The following SLC35F1 variants were observed in gnomAD, a reference collection of about 807,000 sequenced individuals.
The protein encoded by SLC35F1 is solute carrier family 35 member F1.
Under a neutral mutation model 48.7 loss-of-function variants are expected in SLC35F1, and 14 were observed. That is an observed-to-expected ratio of 0.29 (90% CI 0.19 to 0.45). SLC35F1 has a LOEUF of 0.45. Among genes scored for constraint, SLC35F1 ranks in the 20% least tolerant of loss-of-function variants. SLC35F1 has a pLI of 1.00. For synonymous variants in SLC35F1, 190 were observed against 202.2 expected, an observed-to-expected ratio of 0.94 and a Z score of 0.51; for missense variants, 404 against 500.0, an observed-to-expected ratio of 0.81 and a Z score of 1.83.
intron 4 of SLC35F1, among the ~76,000 whole-genome samples, chr6:118,272,737 G>GTGTGTGTATA (rs201515909): frequency 2.5e-5 from 3 of 120,242 alleles, no homozygotes; most frequent in African/African-American, 9.7e-5. Context: ...ATATGTGTGT[G>GTGTGTGTATA]TATATATATA....
chr6:117,944,359 G>A (rs918122770), intron 1 of SLC35F1, among the ~76,000 whole-genome samples: 7 of 152,090 alleles, frequency 4.6e-5, no homozygotes. Context: ...TCAACCTTGT[G>A]AGGTCAAAAT....
At chr6:118,092,215 C>A (rs550582045) in intron 1 of SLC35F1, among the ~76,000 whole-genome samples, 7 of 152,176 alleles carry the variant, frequency 4.6e-5, no homozygotes, top group Non-Finnish European at 1.0e-4. Context: ...CATCACAGGT[C>A]TGAAAGCCTG....
Position 117,914,124 on chromosome 6 carries a change from ATCTATCTATCTATCTG to A in SLC35F1, c.173+6232_173+6247del, listed in dbSNP as rs1383083287. ...TATCTATCTATCTATCTATCTATCTATCTATCTATCTATCTGTCTATCCACATATATACACACACGT... is the reference window on the plus strand; with the variant it reads ...TATCTATCTATCTATCTATCTATCTATCTATCCACATATATACACACACGT... On this transcript the variant is annotated intron_variant, in intron 1 of 7. Transcript: ENST00000360388. Among the ~76,000 whole-genome samples, 282 of 151,618 alleles carry A rather than the reference ATCTATCTATCTATCTG, an allele frequency of 1.9e-3. 2 individuals are homozygous for A. Among genetic ancestry groups the A allele is most frequent in the African/African-American group, 6.6e-3 (272 of 41,266 alleles).
At chr6:118,257,434 G>A (rs891690069) in intron 3 of SLC35F1, among the ~76,000 whole-genome samples, 4 of 152,166 alleles carry the variant, frequency 2.6e-5, no homozygotes, top group Admixed American at 6.6e-5. Context: ...GAAAGTTGAG[G>A]CTAAGTTAAA....
At chr6:118,113,240 C>T (rs1032183528) in intron 1 of SLC35F1, among the ~76,000 whole-genome samples, 8 of 152,104 alleles carry the variant, frequency 5.3e-5, no homozygotes, top group Non-Finnish European at 1.0e-4. Flanking sequence ...GTGTGTGCCA[C>T]CACACTGGGC....
At chr6:118,082,188 C>T (rs572153063) in intron 1 of SLC35F1, among the ~76,000 whole-genome samples, 1 of 152,252 alleles carries the variant, frequency 6.6e-6, no homozygotes, top group East Asian at 1.9e-4. Context: ...TAGGCAATTA[C>T]GATTCTTTAA....
chr6:118,177,883 A>AT (rs909718927), intron 2 of SLC35F1, among the ~76,000 whole-genome samples: 2 of 151,988 alleles, frequency 1.3e-5, no homozygotes, highest in African/African-American at 4.8e-5. Context: ...GAACACGCTG[A>AT]TTTTTGGCAG....
At position 118,075,710 on chromosome 6, in the gene SLC35F1, C is replaced by T. The variant is rs113586607; in HGVS notation, c.174-78735C>T. The stretch of plus-strand genomic sequence containing the variant: ...TTGCTCTTTGGAGTTGATTGTGGTG[C>T]TTAATGGATATAGATTTTAAAGTAT... On this transcript the variant is annotated intron_variant, in intron 1 of 7. Coordinates refer to ENST00000360388, the MANE Select transcript of SLC35F1 (RefSeq NM_001029858.4). Among the ~76,000 whole-genome samples, 176 of 152,116 alleles carry T rather than the reference C, an allele frequency of 1.2e-3. 2 individuals carry two copies. Among genetic ancestry groups the T allele is most frequent in the Non-Finnish European group, 1.6e-3 (106 of 68,030 alleles).
At chr6:118,289,871 A>G (rs946192052) in intron 7 of SLC35F1, among the ~76,000 whole-genome samples, 1 of 152,234 alleles carries the variant, frequency 6.6e-6, no homozygotes, top group African/African-American at 2.4e-5. Flanking sequence ...ACTAATCTGT[A>G]CTATTATTTT....
chr6:117,979,619 G>C (rs1776749232), intron 1 of SLC35F1, among the ~76,000 whole-genome samples: 1 of 152,102 alleles, frequency 6.6e-6, no homozygotes, highest in Admixed American at 6.6e-5. Flanking sequence ...ATCAAAAAGA[G>C]AAAATCTTGC....
chr6:118,244,302 G>A (rs1198820498), intron 3 of SLC35F1, among the ~76,000 whole-genome samples: 1 of 152,266 alleles, frequency 6.6e-6, no homozygotes, highest in Non-Finnish European at 1.5e-5. Context: ...AAGAATTCAA[G>A]GGCAAGCCAG....
chr6:117,923,912 A>G (rs2114805595), intron 1 of SLC35F1, among the ~76,000 whole-genome samples: 1 of 150,258 alleles, frequency 6.7e-6, no homozygotes, highest in South Asian at 2.1e-4. Context: ...ATGTGTGTGT[A>G]CATATATACA....
chr6:118,242,392 A>G (rs529573402), intron 3 of SLC35F1, among the ~76,000 whole-genome samples: 1 of 152,238 alleles, frequency 6.6e-6, no homozygotes, highest in African/African-American at 2.4e-5. Flanking sequence ...AAAAGTTAAC[A>G]CTGGCAAAAA....
chr6:118,253,349 A>C (rs1465284839), intron 3 of SLC35F1, among the ~76,000 whole-genome samples: 2 of 152,122 alleles, frequency 1.3e-5, no homozygotes, highest in Admixed American at 1.3e-4. Flanking sequence ...GAGGACTAAA[A>C]TGTGTCTGCT....
chr6:118,210,719 T>C (rs1006703153), intron 2 of SLC35F1, among the ~76,000 whole-genome samples: 2 of 152,218 alleles, frequency 1.3e-5, no homozygotes. Flanking sequence ...AAGGGGAACC[T>C]GTTGTGTCTC....
At chr6:118,310,660 CTT>C (rs1776362527) in intron 7 of SLC35F1, among the ~76,000 whole-genome samples, 1 of 152,114 alleles carries the variant, frequency 6.6e-6, no homozygotes, top group Non-Finnish European at 1.5e-5. Context: ...AATAAAGCCT[CTT>C]GGGTGACTTC....
intron 1 of SLC35F1, among the ~76,000 whole-genome samples, chr6:118,055,701 A>G (rs932731025): frequency 6.6e-6 from 1 of 152,192 alleles, no homozygotes; most frequent in Non-Finnish European, 1.5e-5. Context: ...AAAAGGAGAA[A>G]GGCAAAGCTG....
chr6:118,240,078 A>G (rs898104577), intron 3 of SLC35F1, among the ~76,000 whole-genome samples: 1 of 152,260 alleles, frequency 6.6e-6, no homozygotes, highest in Non-Finnish European at 1.5e-5. Context: ...ATTAATCCAT[A>G]AAGAAGACAC....
intron 2 of SLC35F1, among the ~76,000 whole-genome samples, chr6:118,220,037 A>C (rs1775126431): frequency 6.6e-6 from 1 of 152,032 alleles, no homozygotes; most frequent in Non-Finnish European, 1.5e-5. Flanking sequence ...GGGAGTGGGG[A>C]GGGATAGCAA....
Sources: allele counts gnomAD v4.1 joint callset (sites outside exome capture counted in the v4.1 genomes callset), GRCh38; gene constraint gnomAD v4.1.1; transcripts MANE v1.5; gene names NCBI Gene and HGNC (gene_info 2026-07-23, HGNC 2026-07-21).